Variants in HSD17B4 observed in about 807,000 individuals in gnomAD.
HSD17B4 encodes the protein peroxisomal multifunctional enzyme type 2.
A neutral mutation model predicts 101.0 loss-of-function variants in HSD17B4; 70 were observed. That is an observed-to-expected ratio of 0.69 (90% CI 0.57 to 0.85). The LOEUF (loss-of-function observed/expected upper bound fraction) is 0.85. Ranked by LOEUF, HSD17B4 falls within the 40% of genes least tolerant of loss-of-function variation. The pLI is 0.00. For missense variants in HSD17B4, 984 were observed against 892.4 expected (o/e 1.10, Z -1.31); for synonymous variants, 347 against 297.1 (o/e 1.17, Z -1.73).
At chr5:119,495,246 A>G (rs892151566) in intron 11 of HSD17B4, among the ~76,000 whole-genome samples, 2 of 152,200 alleles carry the variant, frequency 1.3e-5, no homozygotes, top group Non-Finnish European at 2.9e-5. Flanking sequence ...AGTATAGGAA[A>G]AACTTTCCTC....
At chr5:119,462,725 T>C (rs1755388412) in intron 2 of HSD17B4, among the ~76,000 whole-genome samples, 1 of 152,186 alleles carries the variant, frequency 6.6e-6, no homozygotes, top group Non-Finnish European at 1.5e-5. Context: ...TTTCTTATTA[T>C]TTTTAATTGA....
chr5:119,476,665 G>C, intron 6 of HSD17B4: 1 of 985,480 alleles, frequency 1.0e-6, no homozygotes, highest in African/African-American at 1.7e-5. Flanking sequence ...GAGAAAGATA[G>C]GATTTGCTGG....
chr5:119,485,629 G>C (rs1749549736), intron 8 of HSD17B4, among the ~76,000 whole-genome samples: 1 of 151,854 alleles, frequency 6.6e-6, no homozygotes, highest in East Asian at 1.9e-4. Context: ...TTTCCTTATG[G>C]GCAATTAAAG....
intron 12 of HSD17B4, among the ~76,000 whole-genome samples, chr5:119,498,360 T>G (rs1561462416): frequency 6.6e-6 from 1 of 152,192 alleles, no homozygotes. Context: ...ACATATTCTT[T>G]CTCTTTTTCT....
chr5:119,487,089 A>G (rs115597422), intron 8 of HSD17B4, among the ~76,000 whole-genome samples: 178 of 152,190 alleles, frequency 1.2e-3, no homozygotes, highest in African/African-American at 4.0e-3. Flanking sequence ...TCTTCCTTAA[A>G]AGTTGAAGTT....
At chr5:119,524,114 A>G (rs1372622286) in intron 17 of HSD17B4, among the ~76,000 whole-genome samples, 1 of 152,176 alleles carries the variant, frequency 6.6e-6, no homozygotes, top group Non-Finnish European at 1.5e-5. Flanking sequence ...GCAAGTCACC[A>G]GTATTCAATA....
chr5:119,474,789 G>A (rs1481601852), intron 4 of HSD17B4, among the ~76,000 whole-genome samples: 3 of 152,002 alleles, frequency 2.0e-5, no homozygotes, highest in Admixed American at 1.3e-4. Flanking sequence ...TGGCAATAGA[G>A]TACCCAGTGG....
chr5:119,507,403 T>C (rs1484104204), intron 15 of HSD17B4, among the ~76,000 whole-genome samples: 1 of 152,180 alleles, frequency 6.6e-6, no homozygotes, highest in Non-Finnish European at 1.5e-5. Context: ...CCACATTTTA[T>C]TTGCAGTGGG....
intron 2 of HSD17B4, among the ~76,000 whole-genome samples, chr5:119,462,409 C>T (rs1489247272): frequency 6.6e-6 from 1 of 151,374 alleles, no homozygotes; most frequent in East Asian, 1.9e-4. Context: ...GACTTAGGGA[C>T]CCGTGGTAGG....
chr5:119,499,318 C>A lies in HSD17B4; in HGVS notation c.974C>A (p.Ala325Asp). ...RATSTATSGF[A>D]GAIGQKLPPF... ...ATTACTTTTTAAAACTGTTCTTAGG[C>A]TGGAGCTATTGGCCAGAAACTCCCT... Residue 325 changes from alanine to aspartate, a missense_variant and splice_region_variant, in exon 13 of 24, where the codon GCT becomes GAT. By Grantham distance (126) the Ala-to-Asp change is moderately radical (BLOSUM62 -2). Coordinates refer to ENST00000510025, the MANE Select transcript of HSD17B4 (RefSeq NM_000414.4). 6.3e-7 allele frequency: 1 copy of A among 1,598,660 alleles called. No homozygotes were observed. The highest frequency in any genetic ancestry group is 8.6e-7 in the Non-Finnish European group (1 of 1,166,070).
intron 23 of HSD17B4, among the ~76,000 whole-genome samples, chr5:119,540,279 C>T (rs3850201): frequency 0.13 from 20,396 of 152,116 alleles, 2,161 homozygotes; most frequent in African/African-American, 0.29. Context: ...GTATTTCCCT[C>T]CCAAATTAAC....
chr5:119,524,962 A>G (rs943472061), intron 17 of HSD17B4, among the ~76,000 whole-genome samples: 2 of 152,146 alleles, frequency 1.3e-5, no homozygotes, highest in Admixed American at 6.6e-5. Context: ...TAGTAGTAAC[A>G]GTGTTTTACC....
chr5:119,491,527 T>G (rs1750108944), intron 9 of HSD17B4, among the ~76,000 whole-genome samples: 4 of 152,040 alleles, frequency 2.6e-5, no homozygotes, highest in Non-Finnish European at 5.9e-5. Context: ...CAGTGAAAAT[T>G]TATCTTTCTG....
intron 1 of HSD17B4, among the ~76,000 whole-genome samples, chr5:119,453,832 CT>C (rs2126597451): frequency 6.6e-6 from 1 of 152,314 alleles, no homozygotes; most frequent in African/African-American, 2.4e-5. Context: ...TTTGTTTACA[CT>C]TTGCTTTTAT....
At chr5:119,528,853 A>T (rs998398335) in intron 20 of HSD17B4, among the ~76,000 whole-genome samples, 7 of 152,028 alleles carry the variant, frequency 4.6e-5, no homozygotes, top group African/African-American at 1.2e-4. Flanking sequence ...GATTATAGAT[A>T]TTCTTTTTCT....
chr5:119,478,760 C>A (rs955449465), intron 7 of HSD17B4, 74 bp from the exon 8 acceptor site: 2 of 1,297,112 alleles, frequency 1.5e-6, no homozygotes, highest in East Asian at 4.6e-5. Context: ...TGCAGTAGTA[C>A]CAAAACAGAG....
At chr5:119,468,774 G>A (rs1313112479) in intron 2 of HSD17B4, among the ~76,000 whole-genome samples, 1 of 151,292 alleles carries the variant, frequency 6.6e-6, no homozygotes, top group Non-Finnish European at 1.5e-5. Context: ...TACTACCATA[G>A]GCTTTCTTCA....
chr5:119,456,163 A>G, intron 1 of HSD17B4, 152 bp from the exon 2 acceptor site: 1 of 702,410 alleles, frequency 1.4e-6, no homozygotes, highest in Non-Finnish European at 2.6e-6. Flanking sequence ...GAGAGTGGAT[A>G]GGTTGAGAAT....
Position 119,478,526 on chromosome 5 carries a change from G to A in HSD17B4, c.435-308G>A, listed in dbSNP as rs148238822. On this transcript the variant is annotated intron_variant, in intron 7 of 23. Coordinates refer to ENST00000510025, the MANE Select transcript of HSD17B4 (RefSeq NM_000414.4). ...GAGGACTGAAAAATTAGAACTGTTC[G>A]ATTTAATATTTCTTGCTAAAATTTT... 9.2e-3 allele frequency among the ~76,000 whole-genome samples: 1,404 copies of A among 152,210 alleles called. 27 individuals carry two copies. The highest frequency in any genetic ancestry group is 0.033 in the African/African-American group (1,352 of 41,540).
Sources: gnomAD v4.1 joint callset for allele counts (sites outside exome capture counted in the v4.1 genomes callset) on GRCh38, gnomAD v4.1.1 for gene constraint, MANE v1.5 for transcripts, NCBI Gene and HGNC (gene_info 2026-07-23, HGNC 2026-07-21) for gene names.